Variants in ERBB4 observed in about 807,000 individuals in gnomAD.
ERBB4 encodes erb-b2 receptor tyrosine kinase 4, also known as receptor tyrosine-protein kinase erbB-4.
In ERBB4, 42 loss-of-function variants were observed where a neutral mutation model predicts 158.0. That is an observed-to-expected ratio of 0.27 (90% CI 0.21 to 0.34). The LOEUF is 0.34. Among genes scored for constraint, ERBB4 ranks in the 10% least tolerant of loss-of-function variants. The probability of loss-of-function intolerance (pLI) is 1.00; values close to 1 mark genes in which losing one functional copy is unlikely to be tolerated. For synonymous variants in ERBB4, 583 were observed against 558.7 expected, an observed-to-expected ratio of 1.04 and a Z score of -0.61; for missense variants, 1,333 against 1,624.1, an observed-to-expected ratio of 0.82 and a Z score of 3.08.
At chr2:211,536,153 T>C (rs1463676830) in intron 20 of ERBB4, among the ~76,000 whole-genome samples, 1 of 152,016 alleles carries the variant, frequency 6.6e-6, no homozygotes, top group Non-Finnish European at 1.5e-5. Flanking sequence ...GGAGAAGAGA[T>C]TAAAATGACA....
chr2:212,426,984 T>G (rs977219132), intron 1 of ERBB4, among the ~76,000 whole-genome samples: 4 of 152,172 alleles, frequency 2.6e-5, no homozygotes, highest in African/African-American at 9.6e-5. Flanking sequence ...GTTTTAAAAA[T>G]GTCTTTTGCA....
chr2:212,537,963 A>T (rs1253595089), intron 1 of ERBB4, among the ~76,000 whole-genome samples: 1 of 152,122 alleles, frequency 6.6e-6, no homozygotes, highest in Non-Finnish European at 1.5e-5. Flanking sequence ...CCAGCAGCAC[A>T]CACAGGTGCA....
chr2:212,278,654 T>C (rs2085636820), intron 1 of ERBB4, among the ~76,000 whole-genome samples: 1 of 151,702 alleles, frequency 6.6e-6, no homozygotes, highest in South Asian at 2.1e-4. Context: ...ATAATCTTAA[T>C]GGTCTTTCAT....
In ERBB4 at chr2:211,608,238, C is replaced by T. The variant is rs569046840; in HGVS notation, c.2301+10939G>A. On this transcript the variant is annotated intron_variant, in intron 19 of 27. Coordinates refer to ENST00000342788, the MANE Select transcript of ERBB4 (RefSeq NM_005235.3). The stretch of plus-strand genomic sequence containing the variant: ...CTCTTGAACAAAGCTTGATTTCCAT[C>T]GATGCAGCGGGCAGCTGAAGGAAAT... 2.2e-3 allele frequency among the ~76,000 whole-genome samples: 333 copies of T among 152,184 alleles called. 4 individuals are homozygous for T. The highest frequency in any genetic ancestry group is 3.7e-3 in the Non-Finnish European group (254 of 67,994).
intron 1 of ERBB4, among the ~76,000 whole-genome samples, chr2:212,298,267 G>A (rs548664486): frequency 1.2e-3 from 177 of 151,850 alleles, no homozygotes; most frequent in African/African-American, 4.0e-3. Flanking sequence ...TCTACATGGA[G>A]TGAAATGCTT....
intron 5 of ERBB4, among the ~76,000 whole-genome samples, chr2:211,742,372 G>C (rs990411869): frequency 2.4e-4 from 37 of 152,064 alleles, no homozygotes; most frequent in African/African-American, 8.5e-4. Context: ...ACATTCTACA[G>C]GAAACTGTTG....
chr2:211,710,502 T>C (rs972552797), intron 9 of ERBB4, among the ~76,000 whole-genome samples: 2 of 152,046 alleles, frequency 1.3e-5, no homozygotes, highest in African/African-American at 4.8e-5. Flanking sequence ...AAGACAGCAA[T>C]GTAAATGGAC....
chr2:211,669,210 G>A (rs552990296), intron 14 of ERBB4, among the ~76,000 whole-genome samples: 1 of 99,652 alleles, frequency 1.0e-5, no homozygotes, highest in Admixed American at 1.4e-4. Context: ...GCGACAGAGT[G>A]AGTCTCAAAA....
intron 4 of ERBB4, among the ~76,000 whole-genome samples, chr2:211,776,180 A>C (rs1002965222): frequency 6.6e-6 from 1 of 152,154 alleles, no homozygotes; most frequent in Non-Finnish European, 1.5e-5. Flanking sequence ...TTTGTAGTAC[A>C]TTTGATTTCA....
At chr2:212,096,202 A>T (rs979544171) in intron 2 of ERBB4, among the ~76,000 whole-genome samples, 2 of 152,110 alleles carry the variant, frequency 1.3e-5, no homozygotes, top group Non-Finnish European at 2.9e-5. Context: ...AAAAGGGTTT[A>T]AGAGGTCAGT....
chr2:212,173,374 A>T (rs1201258253), intron 1 of ERBB4, among the ~76,000 whole-genome samples: 2 of 152,164 alleles, frequency 1.3e-5, no homozygotes, highest in Non-Finnish European at 2.9e-5. Flanking sequence ...GCTAGGGAAG[A>T]GTACCCCAGG....
chr2:211,825,917 T>A (rs1036556882), intron 3 of ERBB4, among the ~76,000 whole-genome samples: 1 of 148,648 alleles, frequency 6.7e-6, no homozygotes, highest in Non-Finnish European at 1.5e-5. Context: ...ATAATCCTGT[T>A]AATTTGGGAG....
intron 4 of ERBB4, among the ~76,000 whole-genome samples, chr2:211,780,017 C>A (rs983143999): frequency 9.2e-5 from 14 of 151,802 alleles, no homozygotes; most frequent in Admixed American, 7.9e-4. Context: ...TATAATTATA[C>A]ACACACACAC....
intron 2 of ERBB4, among the ~76,000 whole-genome samples, chr2:212,115,361 C>T (rs994051605): frequency 6.6e-6 from 1 of 151,332 alleles, no homozygotes; most frequent in African/African-American, 2.4e-5. Flanking sequence ...CAAAGTGTTT[C>T]ATTTTAAGAG....
chr2:211,616,332 C>T (rs1009169202), intron 19 of ERBB4, among the ~76,000 whole-genome samples: 1 of 152,080 alleles, frequency 6.6e-6, no homozygotes, highest in Non-Finnish European at 1.5e-5. Flanking sequence ...TATTTCTAAA[C>T]TCCCCCATTG....
intron 19 of ERBB4, among the ~76,000 whole-genome samples, chr2:211,602,556 G>A (rs1412966177): frequency 2.0e-5 from 3 of 152,028 alleles, no homozygotes; most frequent in Non-Finnish European, 2.9e-5. Context: ...CTCAAACAAA[G>A]TATGGACCCC....
At chr2:211,901,017 C>T (rs2079220383) in intron 3 of ERBB4, among the ~76,000 whole-genome samples, 1 of 152,096 alleles carries the variant, frequency 6.6e-6, no homozygotes, top group African/African-American at 2.4e-5. Flanking sequence ...AATAGCTCAG[C>T]TTGATTTTAC....
At chr2:211,817,105 T>C (rs775254949) in intron 3 of ERBB4, among the ~76,000 whole-genome samples, 3 of 152,332 alleles carry the variant, frequency 2.0e-5, no homozygotes, top group East Asian at 1.9e-4. Flanking sequence ...AGTCCCTGGC[T>C]CTTCCTTTGA....
Position 212,538,546 on chromosome 2 carries a change from G to A in ERBB4, c.-16C>T, listed in dbSNP as rs760706766. The A allele has an allele frequency of 4.3e-6, 7 of 1,611,766 alleles. No individual in the cohort carries two copies. The African/African-American group carries it at 6.7e-5, about 15-fold the overall frequency. ...CCGGCTTCATTTTTTGGAAGTCTCA[G>A]ATCCCGTGCTGACAATTACATGTCC... is the stretch of plus-strand genomic sequence containing the variant. On this transcript the variant is annotated 5_prime_UTR_variant, in exon 1 of 28. Transcript: ENST00000342788.
Sources: gnomAD v4.1 joint callset for allele counts (sites outside exome capture counted in the v4.1 genomes callset) on GRCh38, gnomAD v4.1.1 for gene constraint, MANE v1.5 for transcripts, NCBI Gene and HGNC (gene_info 2026-07-23, HGNC 2026-07-21) for gene names.